ZFP1: variants seen among roughly 807,000 people sequenced by gnomAD.
ZFP1 encodes the protein zinc finger protein 1 homolog.
In ZFP1, 32 loss-of-function variants were observed where a neutral mutation model predicts 38.5. The observed-to-expected ratio is 0.83, with a 90% CI of 0.63 to 1.12. The LOEUF (loss-of-function observed/expected upper bound fraction) is 1.12, where lower values mean the gene tolerates loss of function less well. Among genes scored for constraint, ZFP1 ranks in the 50% most tolerant of loss-of-function variants. The pLI is 0.00. For synonymous variants in ZFP1, 245 were observed against 168.8 expected, an observed-to-expected ratio of 1.45 and a Z score of -3.50; for missense variants, 616 against 480.8, an observed-to-expected ratio of 1.28 and a Z score of -2.63.
intron 2 of ZFP1, among the ~76,000 whole-genome samples, chr16:75,162,310 A>G (rs12445784): frequency 0.08 from 12,059 of 150,202 alleles, 815 homozygotes; most frequent in African/African-American, 0.18. Context: ...TTTTTTAGAG[A>G]TGGGGGTCTC....
chr16:75,154,032 C>T (rs1033002319), intron 2 of ZFP1, among the ~76,000 whole-genome samples: 5 of 152,136 alleles, frequency 3.3e-5, no homozygotes, highest in African/African-American at 9.7e-5. Context: ...TGCTGGCCAA[C>T]ACGGTGAAAC....
the ZFP1 span, among the ~76,000 whole-genome samples, chr16:75,123,343 C>T: frequency 1.4e-5 from 2 of 148,096 alleles, no homozygotes; most frequent in African/African-American, 2.5e-5. Flanking sequence ...GACACAGAGA[C>T]TCTGTCTAAA....
chr16:75,130,110 C>T, the ZFP1 span, among the ~76,000 whole-genome samples: 4 of 152,134 alleles, frequency 2.6e-5, no homozygotes, highest in East Asian at 1.9e-4. Flanking sequence ...AATTCTCCTG[C>T]CTCAGCCTCT....
rs1597085221 is a variant in ZFP1 at position 75,167,823 on chromosome 16, G to A, written c.142+927G>A. On this transcript the variant is annotated intron_variant, in intron 3 of 3. Coordinates refer to ENST00000570010, the MANE Select transcript of ZFP1 (RefSeq NM_153688.4). ...TAGAACTCCTGACCCCAGGCCAGGC[G>A]CCATGGCTCATGCTTATAATCCTAG... 2.0e-5 allele frequency among the ~76,000 whole-genome samples: 3 copies of A among 152,080 alleles called. No homozygotes were observed. In the South Asian group the frequency reaches 6.2e-4, roughly 32 times the overall value.
rs951509120 is a variant in ZFP1 at position 75,162,294 on chromosome 16, A to AT, written c.16-4465dup. Reference sequence around the variant, plus strand: ...GGCACCATCAAGCTGGGCTTTTTGTATTTTTTTTTTTAGAGATGGGGGTCT... The same window carrying AT: ...GGCACCATCAAGCTGGGCTTTTTGTATTTTTTTTTTTTAGAGATGGGGGTCT... On this transcript the variant is annotated intron_variant, in intron 2 of 3. Transcript: ENST00000570010. Among the ~76,000 whole-genome samples, 978 of 141,686 alleles carry AT rather than the reference A, an allele frequency of 6.9e-3. 9 individuals are homozygous for AT. The highest frequency in any genetic ancestry group is 0.023 in the African/African-American group (887 of 38,670). The allele number at this position is 141,686 out of a possible 152,430, so 93.0% of individuals were successfully genotyped here. A position where few individuals can be genotyped will look rare whatever the true frequency, so the allele number is the denominator to read the frequency against.
rs1439080460 is a variant in ZFP1 at position 75,152,969 on chromosome 16, G to A, written c.15+3G>A. Reference sequence around the variant, plus strand: ...TGCAGAAAATGAACAAATCCCAGGTGAGTTGTTTGTTTATTCCCCATTTTG... The same window carrying A: ...TGCAGAAAATGAACAAATCCCAGGTAAGTTGTTTGTTTATTCCCCATTTTG... On this transcript the variant is annotated splice_donor_region_variant and intron_variant, in intron 2 of 3. Transcript: ENST00000570010. The A allele has an allele frequency of 1.9e-6, 3 of 1,613,666 alleles. No homozygotes were observed. The highest frequency in any genetic ancestry group is 1.7e-5 in the Admixed American group (1 of 59,948).
At chr16:75,169,146 A>G (rs2038270995) in intron 3 of ZFP1, 107 bp from the exon 4 acceptor site, 1 of 1,371,148 alleles carries the variant, frequency 7.3e-7, no homozygotes, top group Admixed American at 2.6e-5. Flanking sequence ...CTGGGTCCCA[A>G]ACTAAAGAGT....
intron 2 of ZFP1, among the ~76,000 whole-genome samples, chr16:75,164,725 G>A (rs1368700101): frequency 6.6e-6 from 1 of 152,126 alleles, no homozygotes; most frequent in African/African-American, 2.4e-5. Flanking sequence ...TTTAATGGTT[G>A]AGGGGGGGAA....
At chr16:75,162,004 C>G (rs61348101) in intron 2 of ZFP1, among the ~76,000 whole-genome samples, 1 of 150,356 alleles carries the variant, frequency 6.7e-6, no homozygotes, top group Non-Finnish European at 1.5e-5. Context: ...AGGCTGGTCT[C>G]GAACTCCTGA....
chr16:75,168,162 A>G (rs1276435844), intron 3 of ZFP1, among the ~76,000 whole-genome samples: 1 of 152,150 alleles, frequency 6.6e-6, no homozygotes, highest in Non-Finnish European at 1.5e-5. Flanking sequence ...TGGCCAGATG[A>G]TTTTTAATGG....
At chr16:75,139,386 AAAAAAAAAAAC>A in the ZFP1 span, among the ~76,000 whole-genome samples, 24 of 147,702 alleles carry the variant, frequency 1.6e-4, no homozygotes, top group African/African-American at 6.0e-4. Context: ...AAAAAAAAAA[AAAAAAAAAAAC>A]ACCGTCAGAG....
chr16:75,149,706 G>A (rs915090293), intron 1 of ZFP1, among the ~76,000 whole-genome samples: 5 of 151,854 alleles, frequency 3.3e-5, no homozygotes, highest in African/African-American at 7.2e-5. Flanking sequence ...TTACAGGCGT[G>A]AGCCACCGCG....
the ZFP1 span, among the ~76,000 whole-genome samples, chr16:75,140,638 A>G: frequency 6.6e-6 from 1 of 152,200 alleles, no homozygotes; most frequent in Admixed American, 6.5e-5. Context: ...CATTGCAGCA[A>G]TGCTGAATAA....
At chr16:75,130,346 C>G in the ZFP1 span, among the ~76,000 whole-genome samples, 60 of 152,116 alleles carry the variant, frequency 3.9e-4, no homozygotes, top group African/African-American at 1.3e-3. Flanking sequence ...GGTCTTGCAG[C>G]CCTTCTCCCC....
chr16:75,154,117 G>A (rs562182087), intron 2 of ZFP1, among the ~76,000 whole-genome samples: 9 of 152,130 alleles, frequency 5.9e-5, no homozygotes, highest in Non-Finnish European at 1.2e-4. Context: ...CCAGCTACTC[G>A]GGAGGCTGAG....
intron 2 of ZFP1, among the ~76,000 whole-genome samples, chr16:75,164,272 T>C (rs2037940920): frequency 6.6e-6 from 1 of 152,224 alleles, no homozygotes; most frequent in South Asian, 2.1e-4. Flanking sequence ...ATCCCATTTT[T>C]ATTTTGATTA....
In ZFP1 at chr16:75,170,573, C is replaced by G. The variant is rs1282039157; in HGVS notation, c.*239C>G. ...TAAATAGCCATACCCAGTTGTACTA[C>G]AATGAGCTTTTTAAAATCTTGAATG... On this transcript the variant is annotated 3_prime_UTR_variant, in exon 4 of 4. Transcript: ENST00000570010. 1 of 464,758 alleles carries G rather than the reference C, an allele frequency of 2.2e-6. No homozygotes were observed. The highest frequency in any genetic ancestry group is 2.0e-5 in the African/African-American group (1 of 50,934). 28.8% of individuals were successfully genotyped at this position (464,758 alleles called of 1,614,324 possible).
At chr16:75,142,035 CAG>C in the ZFP1 span, among the ~76,000 whole-genome samples, 7 of 130,860 alleles carry the variant, frequency 5.3e-5, no homozygotes, top group Non-Finnish European at 9.5e-5. Flanking sequence ...GCCTGAACAA[CAG>C]AGCAAGACTC....
intron 2 of ZFP1, among the ~76,000 whole-genome samples, chr16:75,162,368 C>T (rs776049397): frequency 6.6e-6 from 1 of 152,120 alleles, no homozygotes; most frequent in Non-Finnish European, 1.5e-5. Context: ...AAGTGATCCA[C>T]CTGCCTTGGC....
Sources: gnomAD v4.1 joint callset for allele counts (sites outside exome capture counted in the v4.1 genomes callset) on GRCh38, gnomAD v4.1.1 for gene constraint, MANE v1.5 for transcripts, NCBI Gene and HGNC (gene_info 2026-07-23, HGNC 2026-07-21) for gene names.